CIZ1: variants seen among roughly 807,000 people sequenced by gnomAD.
CIZ1 encodes the protein CDKN1A interacting zinc finger protein 1, also known as cip1-interacting zinc finger protein.
In CIZ1, 58 loss-of-function variants were observed where a neutral mutation model predicts 118.6. The ratio of observed to expected loss-of-function variants is 0.49; its 90% CI spans 0.40 to 0.61. The LOEUF is 0.61. Ranked by LOEUF, CIZ1 falls within the 20% of genes least tolerant of loss-of-function variation. CIZ1 has a pLI of 0.00. For synonymous variants in CIZ1, 448 were observed against 443.4 expected (o/e 1.01, Z -0.13); for missense variants, 921 against 1,115.9 (o/e 0.83, Z 2.49).
chr9:128,199,304 G>T (rs1257613339), intron 1 of CIZ1, among the ~76,000 whole-genome samples: 2 of 151,962 alleles, frequency 1.3e-5, no homozygotes, highest in Non-Finnish European at 1.5e-5. Context: ...GGAGGCAGAG[G>T]TTGCAGTAAG....
At position 128,166,618 on chromosome 9, in the gene CIZ1, A is replaced by G; in HGVS notation, c.2487+141T>C. 8.5e-7 allele frequency: 1 copy of G among 1,179,528 alleles called. No individual in the cohort carries two copies. The highest frequency in any genetic ancestry group is 1.2e-6 in the Non-Finnish European group (1 of 817,650). 73.1% of individuals were successfully genotyped at this position (1,179,528 alleles called of 1,614,324 possible). ...AAGAGCCCAACCCCACCCCAGCTCT[A>G]ATTCTCTCCCTGTTGGTGCAGGGGT... On this transcript the variant is annotated intron_variant, in intron 16 of 16. Coordinates refer to ENST00000372938, the MANE Select transcript of CIZ1 (RefSeq NM_001131016.2). This position sits in a 1 kb window ranked among gnomAD's most constrained non-coding sequence, Gnocchi z 4.4.
At chr9:128,170,818 G>A (rs1482462770) in intron 11 of CIZ1, among the ~76,000 whole-genome samples, 1 of 152,070 alleles carries the variant, frequency 6.6e-6, no homozygotes, top group African/African-American at 2.4e-5. Flanking sequence ...AGAGATTCAG[G>A]CATAAAAATA....
In CIZ1 at chr9:128,179,420, G is replaced by A. The variant is rs745786523; in HGVS notation, c.792-5C>T. 6.4e-6 allele frequency: 10 copies of A among 1,561,074 alleles called. No homozygotes were observed. In the South Asian group the frequency reaches 8.4e-5, roughly 13 times the overall value. On this transcript the variant is annotated splice_region_variant and splice_polypyrimidine_tract_variant and intron_variant, in intron 7 of 16. Coordinates refer to ENST00000372938, the MANE Select transcript of CIZ1 (RefSeq NM_001131016.2). ...TTCTCTGTGGGCTCTTCTGAGCTAG[G>A]AAGGATCAAAAAAAAATCCCAGTCA...
chr9:128,173,184 G>A (rs867483775), intron 11 of CIZ1, among the ~76,000 whole-genome samples: 15 of 121,072 alleles, frequency 1.2e-4, no homozygotes, highest in Middle Eastern at 6.1e-3. Context: ...TCGCTCTGTC[G>A]CCCAGGCTGG....
At chr9:128,177,305 C>T (rs998568441) in intron 10 of CIZ1, among the ~76,000 whole-genome samples, 37 of 152,176 alleles carry the variant, frequency 2.4e-4, no homozygotes, top group African/African-American at 8.7e-4. Flanking sequence ...TAAAAACCTG[C>T]TTGAGCCCAA....
chr9:128,176,670 C>T (rs1208873372), intron 10 of CIZ1, among the ~76,000 whole-genome samples, 195 bp from the exon 11 acceptor site: 2 of 152,208 alleles, frequency 1.3e-5, no homozygotes, highest in African/African-American at 4.8e-5. Flanking sequence ...GCTTCTGCCC[C>T]TCCCAGAGAA....
upstream of CIZ1, among the ~76,000 whole-genome samples, chr9:128,196,636 G>A (rs944121413): frequency 1.3e-5 from 2 of 151,992 alleles, no homozygotes; most frequent in South Asian, 2.1e-4. Context: ...ACAGAGTCTC[G>A]CTCTGTCTTC....
chr9:128,180,957 G>A (rs904855654), intron 5 of CIZ1, 143 bp from the exon 6 acceptor site: 16 of 649,828 alleles, frequency 2.5e-5, no homozygotes, highest in Non-Finnish European at 3.8e-5. Context: ...GTTGCCGAGT[G>A]GATGATCTTA....
chr9:128,176,374 C>A lies in CIZ1; in HGVS notation c.1920G>T (p.Arg640=). 6.2e-7 allele frequency: 1 copy of A among 1,614,094 alleles called. No homozygotes were observed. Among genetic ancestry groups the A allele is most frequent in the Non-Finnish European group, 8.5e-7 (1 of 1,179,974 alleles). The change falls in exon 11 of 17, where the codon CGG becomes CGT. Residue 640 remains arginine, a synonymous_variant. Transcript: ENST00000372938. ...ACTCATCCTCTGTCTCCAGGACGTC[C>A]CGGGGCACGGGCAGCAGGGACAGGA... ...ACLLSLLPVP[R]DVLETEDEEP...
At chr9:128,177,175 A>C (rs1830968819) in intron 10 of CIZ1, among the ~76,000 whole-genome samples, 1 of 152,194 alleles carries the variant, frequency 6.6e-6, no homozygotes, top group African/African-American at 2.4e-5. Flanking sequence ...GGCGTGAGCC[A>C]CTGTGCCCGA....
At chr9:128,198,774 G>T (rs1410031309) in intron 1 of CIZ1, among the ~76,000 whole-genome samples, 1 of 152,018 alleles carries the variant, frequency 6.6e-6, no homozygotes, top group Non-Finnish European at 1.5e-5. Flanking sequence ...GGAGGTTGCA[G>T]TGAGCTGAGA....
At chr9:128,177,542 C>CCCCAAAAAA in intron 10 of CIZ1, 24 bp downstream of exon 10, 1 of 1,229,492 alleles carries the variant, frequency 8.1e-7, no homozygotes, top group Non-Finnish European at 1.1e-6. Flanking sequence ...CACCCCTCCC[C>CCCCAAAAAA]ACCCTTATCT....
chr9:128,169,999 G>T, intron 12 of CIZ1, 21 bp downstream of exon 12: 1 of 1,601,404 alleles, frequency 6.2e-7, no homozygotes. Context: ...GGGTGCCTCT[G>T]CAGCGTGCAG....
intron 11 of CIZ1, among the ~76,000 whole-genome samples, chr9:128,173,135 C>CTTTT (rs957423189): frequency 2.2e-4 from 18 of 80,790 alleles, no homozygotes; most frequent in Non-Finnish European, 3.6e-4. Flanking sequence ...TGGCTAATTT[C>CTTTT]TTTTTTTTTT....
chr9:128,191,437 C>T lies in CIZ1; in HGVS notation c.-11G>A. The T allele has an allele frequency of 1.0e-6, 1 of 966,204 alleles. No individual in the cohort carries two copies. Among genetic ancestry groups the T allele is most frequent in the Non-Finnish European group, 1.2e-6 (1 of 810,364 alleles). The allele number at this position is 966,204 out of a possible 1,614,324, so 59.9% of individuals were successfully genotyped here. Reference sequence around the variant, plus strand: ...AGCCGCCCCCGGCCCCGCACCTCGCCTCCCCGCGCGCCCTCAACGCTCAAG... The same window carrying T: ...AGCCGCCCCCGGCCCCGCACCTCGCTTCCCCGCGCGCCCTCAACGCTCAAG... On this transcript the variant is annotated 5_prime_UTR_variant, in exon 1 of 17. Coordinates refer to ENST00000372938, the MANE Select transcript of CIZ1 (RefSeq NM_001131016.2). The surrounding 1 kb of genome is among the most constrained non-coding windows in gnomAD (Gnocchi z 5.5).
intron 11 of CIZ1, among the ~76,000 whole-genome samples, chr9:128,174,427 A>G (rs930763972): frequency 2.7e-4 from 41 of 152,264 alleles, no homozygotes; most frequent in African/African-American, 9.9e-4. Flanking sequence ...TGAGAGATGG[A>G]GCCTCTCTAA....
chr9:128,166,828 C>T lies in CIZ1; in HGVS notation c.2418G>A (p.Lys806=), dbSNP rs1464947062. The change falls in exon 16 of 17, where the codon AAG becomes AAA. Residue 806 remains lysine (K), a synonymous_variant. Coordinates refer to ENST00000372938, the MANE Select transcript of CIZ1 (RefSeq NM_001131016.2). The surrounding 1 kb of genome is among the most constrained non-coding windows in gnomAD (Gnocchi z 4.4). Reference sequence around the variant, plus strand: ...GTGCCCCTGAGTTGCTGTGATAGAACTTGTGGCAGATGCGGCAGATATAGC... The same window carrying T: ...GTGCCCCTGAGTTGCTGTGATAGAATTTGTGGCAGATGCGGCAGATATAGC... ...VMGYICRICH[K]FYHSNSGAQL... is the part of the protein sequence containing the mutation. 1 of 1,614,198 alleles carries T rather than the reference C, an allele frequency of 6.2e-7. No homozygotes were observed. Among genetic ancestry groups the T allele is most frequent in the Non-Finnish European group, 8.5e-7 (1 of 1,180,032 alleles).
At position 128,169,725 on chromosome 9, in the gene CIZ1, AACACAGAGACAGGACAG is replaced by A. The variant is rs1307683699; in HGVS notation, c.2032-223_2032-207del. 3 of 1,532,708 alleles carry A rather than the reference AACACAGAGACAGGACAG, an allele frequency of 2.0e-6. No homozygotes were observed. The East Asian group carries it at 7.3e-5, about 37-fold the overall frequency. 94.9% of individuals were successfully genotyped at this position (1,532,708 alleles called of 1,614,324 possible). On this transcript the variant is annotated intron_variant, in intron 12 of 16. Coordinates refer to ENST00000372938, the MANE Select transcript of CIZ1 (RefSeq NM_001131016.2). ...GCTGAGAGATAGGATGGCAGATGGC[AACACAGAGACAGGACAG>A]ACACAGAGAGAAGACGAGAGAGAGG... is the stretch of plus-strand genomic sequence containing the variant.
At chr9:128,171,344 C>G (rs1288620912) in intron 11 of CIZ1, among the ~76,000 whole-genome samples, 1 of 149,664 alleles carries the variant, frequency 6.7e-6, no homozygotes, top group African/African-American at 2.5e-5. Flanking sequence ...TGGGAGAATT[C>G]CTTGAGCCCA....
Sources: allele counts gnomAD v4.1 joint callset (sites outside exome capture counted in the v4.1 genomes callset), GRCh38; gene constraint gnomAD v4.1.1; non-coding constraint Gnocchi (gnomAD v3.1); transcripts MANE v1.5; gene names NCBI Gene and HGNC (gene_info 2026-07-23, HGNC 2026-07-21).